YAE1: variants seen among roughly 807,000 people sequenced by gnomAD.
YAE1 encodes protein YAE1 homolog.
Under a neutral mutation model 23.0 loss-of-function variants are expected in YAE1, and 22 were observed. The observed-to-expected ratio is 0.96, with a 90% CI of 0.68 to 1.37. YAE1 has a LOEUF of 1.37. YAE1 is among the 40% of genes most tolerant of loss of function. YAE1 has a pLI of 0.00. For missense variants in YAE1, 260 were observed against 262.1 expected, an observed-to-expected ratio of 0.99 and a Z score of 0.06; for synonymous variants, 101 against 97.0, an observed-to-expected ratio of 1.04 and a Z score of -0.24.
intron 2 of YAE1, among the ~76,000 whole-genome samples, chr7:39,580,883 T>C (rs995292160): frequency 2.0e-5 from 3 of 152,228 alleles, no homozygotes; most frequent in East Asian, 1.9e-4. Context: ...AAAAAGCACC[T>C]TTTTTCCAAA....
At chr7:39,604,599 T>A (rs1791103087) in intron 2 of YAE1, among the ~76,000 whole-genome samples, 1 of 152,208 alleles carries the variant, frequency 6.6e-6, no homozygotes, top group African/African-American at 2.4e-5. Context: ...TTATGTAAAC[T>A]ACTTGGATTG....
At chr7:39,601,842 G>A (rs1299899682) in intron 2 of YAE1, among the ~76,000 whole-genome samples, 3 of 151,766 alleles carry the variant, frequency 2.0e-5, no homozygotes, top group Non-Finnish European at 1.5e-5. Flanking sequence ...TTTGAATTAA[G>A]CAGATGCTTG....
intron 1 of YAE1, chr7:39,569,376 T>G: frequency 2.4e-6 from 1 of 411,356 alleles, no homozygotes; most frequent in Non-Finnish European, 4.8e-6. Flanking sequence ...AACTATACAA[T>G]TTATCTGTGA....
chr7:39,597,458 T>C (rs1020026061), intron 2 of YAE1, among the ~76,000 whole-genome samples: 1 of 152,218 alleles, frequency 6.6e-6, no homozygotes, highest in Non-Finnish European at 1.5e-5. Flanking sequence ...GGAACCTGTT[T>C]AACTTACTAT....
chr7:39,597,324 C>T (rs1408857039), intron 2 of YAE1, among the ~76,000 whole-genome samples: 3 of 152,106 alleles, frequency 2.0e-5, no homozygotes, highest in African/African-American at 7.2e-5. Flanking sequence ...AATCCCAGCA[C>T]TTTGGGAGGT....
downstream of YAE1, among the ~76,000 whole-genome samples, chr7:39,611,441 G>A (rs940995479): frequency 3.3e-5 from 5 of 152,222 alleles, no homozygotes; most frequent in Admixed American, 2.6e-4. Context: ...TTGCTCGGGG[G>A]CATAAGGTAG....
chr7:39,605,297 A>G (rs547637822), intron 2 of YAE1, among the ~76,000 whole-genome samples: 12 of 152,256 alleles, frequency 7.9e-5, no homozygotes, highest in African/African-American at 2.9e-4. Context: ...CTGAGCCATA[A>G]AGTGCCCAAA....
At chr7:39,582,287 C>T (rs1562592154) in intron 2 of YAE1, among the ~76,000 whole-genome samples, 1 of 152,030 alleles carries the variant, frequency 6.6e-6, no homozygotes, top group Non-Finnish European at 1.5e-5. Context: ...CCTCCCTCGG[C>T]CTCCCAAAGT....
exon 3 of YAE1, chr7:39,609,691 C>T (rs1271130467): frequency 1.3e-6 from 2 of 1,535,690 alleles, no homozygotes; most frequent in Admixed American, 2.0e-5. Flanking sequence ...CAACTACTGC[C>T]GCGTCCCCTC....
At chr7:39,583,936 C>CA (rs1435021535) in intron 2 of YAE1, among the ~76,000 whole-genome samples, 1 of 152,214 alleles carries the variant, frequency 6.6e-6, no homozygotes, top group East Asian at 1.9e-4. Flanking sequence ...GTTCACAACT[C>CA]ACTAGACATT....
At position 39,607,252 on chromosome 7, in the gene YAE1, C is replaced by T. The variant is rs1031959837; in HGVS notation, c.252-2365C>T. On this transcript the variant is annotated intron_variant, in intron 2 of 2. Transcript: ENST00000432096. ...CCCCAGTGTTGTCTATGTCCTACTCCCTGGAACCTGAAACTATGTTAGATT... is the reference window on the plus strand; with the variant it reads ...CCCCAGTGTTGTCTATGTCCTACTCTCTGGAACCTGAAACTATGTTAGATT... Among the ~76,000 whole-genome samples the T allele has an allele frequency of 4.6e-5, 7 of 152,094 alleles. No individual in the cohort carries two copies. The East Asian group carries it at 1.3e-3, about 29-fold the overall frequency.
chr7:39,596,344 C>T (rs988995961), intron 2 of YAE1, among the ~76,000 whole-genome samples: 10 of 151,940 alleles, frequency 6.6e-5, no homozygotes, highest in African/African-American at 2.4e-4. Context: ...GTTCTCCTGC[C>T]TCAGCCTCCC....
intron 2 of YAE1, among the ~76,000 whole-genome samples, chr7:39,587,841 A>T (rs1790842314): frequency 6.6e-6 from 1 of 152,194 alleles, no homozygotes; most frequent in African/African-American, 2.4e-5. Context: ...TATATTCGTT[A>T]TGAAAAGGGG....
At chr7:39,587,563 A>G (rs1790838550) in intron 2 of YAE1, among the ~76,000 whole-genome samples, 1 of 152,152 alleles carries the variant, frequency 6.6e-6, no homozygotes, top group African/African-American at 2.4e-5. Context: ...ACCATGTTGT[A>G]TTTGGAATTT....
Position 39,570,499 on chromosome 7 carries a change from T to C in YAE1, c.130-7T>C. ...TACAGCTGCACTTCTCCATTACTTATTTTTAGGAAGGTTATAGAGATGGAA... is the reference window on the plus strand; with the variant it reads ...TACAGCTGCACTTCTCCATTACTTACTTTTAGGAAGGTTATAGAGATGGAA... On this transcript the variant is annotated splice_region_variant and splice_polypyrimidine_tract_variant and intron_variant, in intron 1 of 2. Transcript: ENST00000223273. 2 of 1,607,738 alleles carry C rather than the reference T, an allele frequency of 1.2e-6. No individual in the cohort carries two copies. The highest frequency in any genetic ancestry group is 1.7e-6 in the Non-Finnish European group (2 of 1,178,762).
chr7:39,597,097 C>T (rs1790986002), intron 2 of YAE1, among the ~76,000 whole-genome samples: 1 of 152,116 alleles, frequency 6.6e-6, no homozygotes, highest in Admixed American at 6.5e-5. Context: ...AAGGCTTGTC[C>T]CTTAAAGGAA....
At chr7:39,576,095 T>A (rs180919721), downstream of YAE1, among the ~76,000 whole-genome samples, 1 of 152,336 alleles carries the variant, frequency 6.6e-6, no homozygotes, top group African/African-American at 2.4e-5. Flanking sequence ...GTCATCCCTG[T>A]TCATCCATAG....
intron 2 of YAE1, among the ~76,000 whole-genome samples, chr7:39,602,421 C>A (rs767384172): frequency 1.3e-5 from 2 of 152,194 alleles, no homozygotes; most frequent in Non-Finnish European, 2.9e-5. Context: ...TTACCATGAA[C>A]AGAAACTCAT....
At chr7:39,587,990 C>G (rs1489415270) in intron 2 of YAE1, among the ~76,000 whole-genome samples, 1 of 152,140 alleles carries the variant, frequency 6.6e-6, no homozygotes, top group Admixed American at 6.5e-5. Context: ...CCAATTGGCT[C>G]CAATTCATTC....
Sources: gnomAD v4.1 joint callset for allele counts (sites outside exome capture counted in the v4.1 genomes callset) on GRCh38, gnomAD v4.1.1 for gene constraint, MANE v1.5 for transcripts, NCBI Gene and HGNC (gene_info 2026-07-23, HGNC 2026-07-21) for gene names.